UNC5C: variants seen among roughly 807,000 people sequenced by gnomAD.
The protein encoded by UNC5C is netrin receptor UNC5C.
Under a neutral mutation model 99.8 loss-of-function variants are expected in UNC5C, and 47 were observed. The ratio of observed to expected loss-of-function variants is 0.47; its 90% confidence interval spans 0.37 to 0.60. UNC5C has a LOEUF of 0.60. Among genes scored for constraint, UNC5C ranks in the 20% least tolerant of loss-of-function variants. The probability of loss-of-function intolerance (pLI) is 0.00; values close to 1 mark genes in which losing one functional copy is unlikely to be tolerated. For missense variants in UNC5C, 1,062 were observed against 1,165.9 expected, an observed-to-expected ratio of 0.91 and a Z score of 1.30; for synonymous variants, 487 against 452.2, an observed-to-expected ratio of 1.08 and a Z score of -0.98.
At chr4:95,453,307 A>T (rs979581548) in intron 1 of UNC5C, among the ~76,000 whole-genome samples, 1 of 152,168 alleles carries the variant, frequency 6.6e-6, no homozygotes, top group Non-Finnish European at 1.5e-5. Flanking sequence ...TTTACCAATT[A>T]GATAATAATA....
intron 1 of UNC5C, among the ~76,000 whole-genome samples, chr4:95,368,684 A>G (rs1423318533): frequency 6.6e-6 from 1 of 152,186 alleles, no homozygotes. Context: ...AGCACTGTCC[A>G]TTGCAAATAT....
chr4:95,424,518 C>CTTTTTTTTTTTTTTTTTTTTTTTTTT lies in UNC5C; in HGVS notation c.125-88888_125-88887insAAAAAAAAAAAAAAAAAAAAAAAAAA, dbSNP rs536039867. On this transcript the variant is annotated intron_variant, in intron 1 of 15. Coordinates refer to ENST00000453304, the MANE Select transcript of UNC5C (RefSeq NM_003728.4). ...GGCTTCAGAATTTTTTTTTTCTTTTCTTTTTTTTTTTTTTTTTTTTTGAGA... is the reference window on the plus strand; with the variant it reads ...GGCTTCAGAATTTTTTTTTTCTTTTCTTTTTTTTTTTTTTTTTTTTTTTTTTTTTTTTTTTTTTTTTTTTTTTGAGA... 4.7e-4 allele frequency among the ~76,000 whole-genome samples: 32 copies of CTTTTTTTTTTTTTTTTTTTTTTTTTT among 67,960 alleles called. 6 individuals carry two copies. Among genetic ancestry groups the CTTTTTTTTTTTTTTTTTTTTTTTTTT allele is most frequent in the East Asian group, 2.7e-3 (4 of 1,508 alleles). The allele number at this position is 67,960 out of a possible 152,430, so 44.6% of individuals were successfully genotyped here. A position where few individuals can be genotyped will look rare whatever the true frequency, so the allele number is the denominator to read the frequency against.
intron 7 of UNC5C, 128 bp downstream of exon 7, chr4:95,242,300 GA>G: frequency 7.7e-7 from 1 of 1,305,506 alleles, no homozygotes; most frequent in East Asian, 2.6e-5. Flanking sequence ...GAGCAAGCTA[GA>G]ATATTGCTAT....
intron 1 of UNC5C, among the ~76,000 whole-genome samples, chr4:95,468,269 C>G (rs561044298): frequency 6.6e-6 from 1 of 152,048 alleles, no homozygotes; most frequent in South Asian, 2.1e-4. Flanking sequence ...TAATCAGAAC[C>G]CTTCTGCTAG....
At chr4:95,257,544 C>A (rs1467661287) in intron 4 of UNC5C, among the ~76,000 whole-genome samples, 2 of 152,114 alleles carry the variant, frequency 1.3e-5, no homozygotes, top group Non-Finnish European at 2.9e-5. Flanking sequence ...GTGCAAGGGG[C>A]ACTCATCTTC....
chr4:95,423,322 T>C (rs1054493320), intron 1 of UNC5C, among the ~76,000 whole-genome samples: 1 of 152,222 alleles, frequency 6.6e-6, no homozygotes. Context: ...ATTATCCACC[T>C]GTGTTCCCTG....
At chr4:95,285,050 C>A (rs1313067971) in intron 3 of UNC5C, among the ~76,000 whole-genome samples, 1 of 152,170 alleles carries the variant, frequency 6.6e-6, no homozygotes, top group African/African-American at 2.4e-5. Context: ...GCTAAGCAGG[C>A]AGGTTGTGGA....
chr4:95,508,367 T>TATTATTATC (rs1721979729), intron 1 of UNC5C, among the ~76,000 whole-genome samples: 2 of 152,068 alleles, frequency 1.3e-5, no homozygotes, highest in South Asian at 4.1e-4. Context: ...TGATGGACAT[T>TATTATTATC]ATCATCTATT....
chr4:95,356,053 G>T (rs1032112376), intron 1 of UNC5C, among the ~76,000 whole-genome samples: 1 of 151,602 alleles, frequency 6.6e-6, no homozygotes, highest in African/African-American at 2.4e-5. Flanking sequence ...AGTTGGGTGT[G>T]GTGGCACCCA....
intron 1 of UNC5C, among the ~76,000 whole-genome samples, chr4:95,491,743 A>G (rs1721498840): frequency 1.3e-5 from 2 of 151,728 alleles, no homozygotes; most frequent in Admixed American, 1.3e-4. Context: ...TTGTGTTCCA[A>G]ATAAAATGAT....
chr4:95,393,863 T>TA (rs36105351), intron 1 of UNC5C, among the ~76,000 whole-genome samples: 67 of 146,334 alleles, frequency 4.6e-4, no homozygotes, highest in African/African-American at 1.1e-3. Context: ...TTTTTTTTTT[T>TA]AAAAAAAAAC....
At chr4:95,292,721 G>A (rs537427343) in intron 3 of UNC5C, among the ~76,000 whole-genome samples, 1 of 152,054 alleles carries the variant, frequency 6.6e-6, no homozygotes, top group South Asian at 2.1e-4. Context: ...GAATTCCTTG[G>A]GGAAAAAAAG....
chr4:95,411,633 C>T (rs1013585697), intron 1 of UNC5C, among the ~76,000 whole-genome samples: 3 of 152,182 alleles, frequency 2.0e-5, no homozygotes, highest in Non-Finnish European at 4.4e-5. Flanking sequence ...TACTGCAGTA[C>T]AAACTTGCAT....
intron 1 of UNC5C, among the ~76,000 whole-genome samples, chr4:95,444,433 G>C (rs935963590): frequency 2.0e-5 from 3 of 151,312 alleles, no homozygotes; most frequent in Admixed American, 2.0e-4. Context: ...CTGGCTTCAC[G>C]CCATTCTCCT....
At chr4:95,519,241 G>A (rs1209438248) in intron 1 of UNC5C, among the ~76,000 whole-genome samples, 1 of 152,102 alleles carries the variant, frequency 6.6e-6, no homozygotes, top group Admixed American at 6.5e-5. Flanking sequence ...GGCCCATTCA[G>A]CAATAGGACC....
intron 1 of UNC5C, among the ~76,000 whole-genome samples, chr4:95,449,582 A>C (rs950695899): frequency 6.6e-6 from 1 of 152,190 alleles, no homozygotes; most frequent in African/African-American, 2.4e-5. Context: ...AGCCATTGAC[A>C]GGAATGAGGA....
rs1735870343 is a variant in UNC5C at position 95,166,728 on chromosome 4, A to C, written c.*2506T>G. On this transcript the variant is annotated 3_prime_UTR_variant, in exon 16 of 16. Coordinates refer to ENST00000453304, the MANE Select transcript of UNC5C (RefSeq NM_003728.4). The stretch of plus-strand genomic sequence containing the variant: ...AGATGATTCCACAACCCTGGTACTG[A>C]TGCGTAATCTTGACAAGTTTATTTC... 1 of 152,198 alleles carries C rather than the reference A, an allele frequency of 6.6e-6. No individual in the cohort carries two copies. The highest frequency in any genetic ancestry group is 1.5e-5 in the Non-Finnish European group (1 of 68,032). The allele number at this position is 152,198 out of a possible 1,614,324, so 9.4% of individuals were successfully genotyped here.
intron 1 of UNC5C, among the ~76,000 whole-genome samples, chr4:95,432,234 G>A (rs1181931226): frequency 6.6e-6 from 1 of 151,990 alleles, no homozygotes; most frequent in Non-Finnish European, 1.5e-5. Context: ...CAGACTCCGG[G>A]CCATTTGCTC....
intron 12 of UNC5C, among the ~76,000 whole-genome samples, chr4:95,189,310 T>C (rs192718574): frequency 2.3e-3 from 357 of 152,270 alleles, no homozygotes; most frequent in Non-Finnish European, 3.2e-3. Flanking sequence ...TTAGACACCT[T>C]CTTTCTTGCT....
Sources: gnomAD v4.1 joint callset for allele counts (sites outside exome capture counted in the v4.1 genomes callset) on GRCh38, gnomAD v4.1.1 for gene constraint, MANE v1.5 for transcripts, NCBI Gene and HGNC (gene_info 2026-07-23, HGNC 2026-07-21) for gene names.